SLC16A10: variants seen among roughly 807,000 people sequenced by gnomAD.
The protein encoded by SLC16A10 is solute carrier family 16 member 10.
SLC16A10 carries 27 observed loss-of-function variants against 40.0 expected under a neutral mutation model. The ratio of observed to expected loss-of-function variants is 0.67; its 90% confidence interval spans 0.50 to 0.93. SLC16A10 has a LOEUF of 0.93. Ranked by LOEUF, SLC16A10 falls within the 40% of genes least tolerant of loss-of-function variation. The pLI, the probability that SLC16A10 is intolerant of heterozygous loss-of-function variation, is 0.00. For missense variants in SLC16A10, 529 were observed against 658.2 expected, an observed-to-expected ratio of 0.80 and a Z score of 2.15; for synonymous variants, 213 against 249.8, an observed-to-expected ratio of 0.85 and a Z score of 1.39.
chr6:111,146,775 T>C (rs2114510316), intron 1 of SLC16A10, among the ~76,000 whole-genome samples: 1 of 151,976 alleles, frequency 6.6e-6, no homozygotes, highest in Admixed American at 6.5e-5. Flanking sequence ...AACTTGTACA[T>C]AGATGTTCAT....
intron 1 of SLC16A10, among the ~76,000 whole-genome samples, chr6:111,144,439 G>A (rs1221052579): frequency 2.0e-5 from 3 of 152,142 alleles, no homozygotes; most frequent in Admixed American, 1.3e-4. Context: ...TCCTGACCTC[G>A]TGATCTGCCC....
intron 1 of SLC16A10, among the ~76,000 whole-genome samples, chr6:111,126,151 G>A (rs1465678075): frequency 2.6e-5 from 4 of 152,202 alleles, no homozygotes; most frequent in Non-Finnish European, 4.4e-5. Context: ...ATAGGAATTA[G>A]GAATTATCTT....
rs2114599706 is a variant in SLC16A10, at chr6:111,224,954, A to G, written c.*2719A>G. On this transcript the variant is annotated 3_prime_UTR_variant, in exon 6 of 6. Coordinates refer to ENST00000368851, the MANE Select transcript of SLC16A10 (RefSeq NM_018593.5). ...TTTTGATAAGACTCAGAAAATTCTCAAATTCGAAAGGTTCTGGCATTTGAG... is the reference window on the plus strand; with the variant it reads ...TTTTGATAAGACTCAGAAAATTCTCGAATTCGAAAGGTTCTGGCATTTGAG... 6.6e-6 allele frequency: 1 copy of G among 152,204 alleles called. No individual in the cohort carries two copies. Among genetic ancestry groups the G allele is most frequent in the East Asian group, 1.9e-4 (1 of 5,190 alleles). The allele number at this position is 152,204 out of a possible 1,614,324, so 9.4% of individuals were successfully genotyped here.
At chr6:111,207,237 G>A (rs1028634582) in intron 4 of SLC16A10, among the ~76,000 whole-genome samples, 2 of 152,162 alleles carry the variant, frequency 1.3e-5, no homozygotes, top group Non-Finnish European at 2.9e-5. Flanking sequence ...TTGTTTTGTC[G>A]TGGAACTCCA....
intron 1 of SLC16A10, among the ~76,000 whole-genome samples, chr6:111,124,520 A>T (rs1291746888): frequency 6.6e-6 from 1 of 151,952 alleles, no homozygotes; most frequent in Non-Finnish European, 1.5e-5. Flanking sequence ...GCACCACCAC[A>T]CCCAGCTAAT....
chr6:111,183,003 G>A (rs948115513), intron 3 of SLC16A10, among the ~76,000 whole-genome samples: 7 of 152,048 alleles, frequency 4.6e-5, no homozygotes, highest in African/African-American at 1.5e-4. Context: ...TCTGCCCCGC[G>A]GAGTTTGTTC....
intron 1 of SLC16A10, among the ~76,000 whole-genome samples, chr6:111,170,290 T>C (rs1177340017): frequency 6.6e-6 from 1 of 152,216 alleles, no homozygotes; most frequent in Non-Finnish European, 1.5e-5. Context: ...CTTGGGTTTC[T>C]TGATGTGGTC....
intron 4 of SLC16A10, among the ~76,000 whole-genome samples, chr6:111,216,426 G>C (rs1261223200): frequency 6.6e-6 from 1 of 151,240 alleles, no homozygotes; most frequent in South Asian, 2.1e-4. Context: ...TTTTTTGAGA[G>C]GGAGTCTCAC....
chr6:111,185,490 T>C (rs1772879058), intron 3 of SLC16A10, among the ~76,000 whole-genome samples: 1 of 152,192 alleles, frequency 6.6e-6, no homozygotes, highest in African/African-American at 2.4e-5. Flanking sequence ...TTTGATATAA[T>C]TAATGGGAAT....
intron 1 of SLC16A10, among the ~76,000 whole-genome samples, chr6:111,131,490 A>G (rs887484098): frequency 6.6e-6 from 1 of 152,204 alleles, no homozygotes; most frequent in Admixed American, 6.5e-5. Flanking sequence ...TTTGGCCACC[A>G]TGAAGGGACT....
intron 1 of SLC16A10, among the ~76,000 whole-genome samples, chr6:111,166,483 A>G (rs1772476323): frequency 6.6e-6 from 1 of 150,556 alleles, no homozygotes; most frequent in African/African-American, 2.4e-5. Context: ...ATATATTTGC[A>G]TACATTTATT....
At chr6:111,118,154 CTATT>C (rs1320567233) in intron 1 of SLC16A10, among the ~76,000 whole-genome samples, 1 of 152,170 alleles carries the variant, frequency 6.6e-6, no homozygotes, top group Non-Finnish European at 1.5e-5. Flanking sequence ...TAACAAATAT[CTATT>C]GCTATCTCAA....
intron 3 of SLC16A10, among the ~76,000 whole-genome samples, chr6:111,186,715 G>A (rs1772904044): frequency 6.6e-6 from 1 of 152,160 alleles, no homozygotes; most frequent in East Asian, 1.9e-4. Context: ...TCTAGGGGCT[G>A]TACATTGCTG....
Position 111,219,009 on chromosome 6 carries a change from T to G in SLC16A10, c.1282T>G (p.Ser428Ala), listed in dbSNP as rs1243296836. Residue 428 changes from serine (S) to alanine (A), a missense_variant, in exon 5 of 6, where the codon TCT becomes GCT. Physicochemically the swap from Ser to Ala is moderately conservative, Grantham distance 99 (BLOSUM62 1). Transcript: ENST00000368851. Reference protein sequence around the residue: ...QAIGFLLGFMSIPMTVGPPIA... With the variant: ...QAIGFLLGFMAIPMTVGPPIA... ...AATTGGATTTCTGCTCGGATTCATGTCTATACCCATGACTGTTGGCCCACC... is the reference window on the plus strand; with the variant it reads ...AATTGGATTTCTGCTCGGATTCATGGCTATACCCATGACTGTTGGCCCACC... The G allele has an allele frequency of 6.2e-7, 1 of 1,614,198 alleles. No individual in the cohort carries two copies. Among genetic ancestry groups the G allele is most frequent in the Non-Finnish European group, 8.5e-7 (1 of 1,180,032 alleles).
At position 111,222,257 on chromosome 6, in the gene SLC16A10, A is replaced by G; in HGVS notation, c.*22A>G. 6.4e-7 allele frequency: 1 copy of G among 1,559,230 alleles called. No homozygotes were observed. The highest frequency in any genetic ancestry group is 8.6e-7 in the Non-Finnish European group (1 of 1,163,820). On this transcript the variant is annotated 3_prime_UTR_variant, in exon 6 of 6. Transcript: ENST00000368851. ...TTAATATCTTACATACCTCCACCAG[A>G]CTGGACTTGCTTTTTGAATTTTAAG...
chr6:111,155,602 A>C (rs1227160217), intron 1 of SLC16A10, among the ~76,000 whole-genome samples: 1 of 152,186 alleles, frequency 6.6e-6, no homozygotes, highest in African/African-American at 2.4e-5. Context: ...AAAAGTAGGA[A>C]GTTCCCAGAT....
chr6:111,135,009 C>T (rs549253315), intron 1 of SLC16A10, among the ~76,000 whole-genome samples: 1 of 152,300 alleles, frequency 6.6e-6, no homozygotes, highest in South Asian at 2.1e-4. Context: ...GACAGCCAGT[C>T]ACTAGATACT....
At chr6:111,161,704 A>G (rs975617084) in intron 1 of SLC16A10, among the ~76,000 whole-genome samples, 1 of 152,190 alleles carries the variant, frequency 6.6e-6, no homozygotes, top group East Asian at 1.9e-4. Flanking sequence ...GCATGTATCA[A>G]AACAAAATAA....
At chr6:111,117,700 C>T (rs1771513422) in intron 1 of SLC16A10, among the ~76,000 whole-genome samples, 1 of 152,152 alleles carries the variant, frequency 6.6e-6, no homozygotes, top group Admixed American at 6.5e-5. Flanking sequence ...TAACTCACAG[C>T]TGCCATCTTG....
Sources: gnomAD v4.1 joint callset for allele counts (sites outside exome capture counted in the v4.1 genomes callset) on GRCh38, gnomAD v4.1.1 for gene constraint, MANE v1.5 for transcripts, NCBI Gene and HGNC (gene_info 2026-07-23, HGNC 2026-07-21) for gene names.